The following ZNF430 variants were observed in gnomAD, a reference collection of about 807,000 sequenced individuals.
The protein encoded by ZNF430 is zinc finger protein 430.
Under a neutral mutation model 56.7 loss-of-function variants are expected in ZNF430, and 35 were observed. That is an observed-to-expected ratio of 0.62 (90% CI 0.47 to 0.82). The LOEUF (loss-of-function observed/expected upper bound fraction) is 0.82, where lower values mean the gene tolerates loss of function less well. Ranked by LOEUF, ZNF430 falls within the 40% of genes least tolerant of loss-of-function variation. ZNF430 has a pLI of 0.00. For synonymous variants in ZNF430, 212 were observed against 224.3 expected (o/e 0.94, Z 0.49); for missense variants, 574 against 661.0 (o/e 0.87, Z 1.44).
chr19:21,040,963 C>G (rs1485442680), intron 4 of ZNF430, among the ~76,000 whole-genome samples: 1 of 152,104 alleles, frequency 6.6e-6, no homozygotes, highest in African/African-American at 2.4e-5. Flanking sequence ...AATATAATTA[C>G]TGCCACCTCA....
At position 21,049,131 on chromosome 19, in the gene ZNF430, G is replaced by A. The variant is rs575545452; in HGVS notation, c.323-7500G>A. Among the ~76,000 whole-genome samples, 6 of 116,474 alleles carry A rather than the reference G, an allele frequency of 5.2e-5. No individual in the cohort carries two copies. The South Asian group carries it at 8.8e-4, about 17-fold the overall frequency. 76.4% of individuals were successfully genotyped at this position (116,474 alleles called of 152,430 possible). A position where few individuals can be genotyped will look rare whatever the true frequency, so the allele number is the denominator to read the frequency against. On this transcript the variant is annotated intron_variant, in intron 4 of 4. Transcript: ENST00000261560. ...AGAGGTTGCAGTGAGCCGAGATTGC[G>A]CCACTGCACTCCAGCCTGGGTGACA...
At chr19:21,056,507 G>T (rs1342758514) in intron 4 of ZNF430, 124 bp from the exon 5 acceptor site, 5 of 680,930 alleles carry the variant, frequency 7.3e-6, no homozygotes, top group Non-Finnish European at 1.1e-5. Flanking sequence ...AAAAAATTAG[G>T]GCCTTTATTA....
intron 4 of ZNF430, among the ~76,000 whole-genome samples, chr19:21,039,938 C>T (rs770622495): frequency 2.6e-5 from 4 of 152,120 alleles, no homozygotes; most frequent in Non-Finnish European, 5.9e-5. Flanking sequence ...GTCTCCTTGA[C>T]TCAGGTGATC....
At chr19:21,042,125 G>A (rs911206758) in intron 4 of ZNF430, among the ~76,000 whole-genome samples, 3 of 152,160 alleles carry the variant, frequency 2.0e-5, no homozygotes, top group African/African-American at 7.2e-5. Flanking sequence ...CCATGCCTTT[G>A]CAAACTACAT....
chr19:21,049,489 A>G (rs545974383), intron 4 of ZNF430: 10 of 152,068 alleles, frequency 6.6e-5, no homozygotes, highest in African/African-American at 1.7e-4. Context: ...TAGCATTTCT[A>G]TTTGTTTATA....
chr19:21,022,366 A>G (rs2144745344), intron 1 of ZNF430, among the ~76,000 whole-genome samples: 1 of 152,314 alleles, frequency 6.6e-6, no homozygotes, highest in South Asian at 2.1e-4. Flanking sequence ...CCCAAATGCC[A>G]ACTTTTCCTA....
In ZNF430 at chr19:21,020,695, G is replaced by A; in HGVS notation, c.-106G>A. ...GCCTGAGCTCCAGGTCTCGTCTTCA[G>A]CGCTCTGTGTCCTCTGCTCCTAGAG... On this transcript the variant is annotated 5_prime_UTR_variant, in exon 1 of 5. Coordinates refer to ENST00000261560, the MANE Select transcript of ZNF430 (RefSeq NM_025189.4). 6.5e-7 allele frequency: 1 copy of A among 1,528,080 alleles called. No individual in the cohort carries two copies. 94.7% of individuals were successfully genotyped at this position (1,528,080 alleles called of 1,614,324 possible).
intron 2 of ZNF430, among the ~76,000 whole-genome samples, chr19:21,028,580 T>C (rs1967845432): frequency 6.6e-6 from 1 of 152,196 alleles, no homozygotes. Context: ...TTGAGACATT[T>C]GAGGATGTCC....
chr19:21,053,016 C>T (rs539114008), intron 4 of ZNF430, among the ~76,000 whole-genome samples: 6 of 152,258 alleles, frequency 3.9e-5, no homozygotes, highest in African/African-American at 1.4e-4. Context: ...TTGGCAAGGG[C>T]TTTAGGTGTT....
At chr19:21,035,029 A>G in intron 4 of ZNF430, 1 of 151,982 alleles carries the variant, frequency 6.6e-6, no homozygotes, top group Non-Finnish European at 1.5e-5. Context: ...TTTCCTCACG[A>G]TTGCTTTGGC....
Position 21,034,106 on chromosome 19 carries a change from C to T in ZNF430, c.244C>T (p.Pro82Ser), listed in dbSNP as rs1413002793. 5.0e-6 allele frequency: 8 copies of T among 1,612,808 alleles called. No individual in the cohort carries two copies. Among genetic ancestry groups the T allele is most frequent in the East Asian group, 2.2e-5 (1 of 44,878 alleles). Residue 82 changes from proline to serine, a missense_variant, in exon 4 of 5, where the codon CCA becomes TCA. Pro to Ser is a moderately conservative substitution (Grantham distance 74). This residue lies in a region of ZNF430 where 346 missense variants were observed against 399.1 expected (regional missense o/e 0.87). Transcript: ENST00000261560. ...TAAAGCAGGTATTGCTGTTTCTAAG[C>T]CAGACCTGATCACCTGTCTAGAGCA... ...VFLAGIAVSK[P>S]DLITCLEQGK...
rs1968383553 is a variant in ZNF430, at chr19:21,056,649, C to G, written c.341C>G (p.Ala114Gly). The G allele has an allele frequency of 6.6e-7, 1 of 1,524,380 alleles. No homozygotes were observed. The highest frequency in any genetic ancestry group is 2.2e-5 in the Admixed American group (1 of 45,934). The allele number at this position is 1,524,380 out of a possible 1,614,324, so 94.4% of individuals were successfully genotyped here. The stretch of plus-strand genomic sequence containing the variant: ...CTTTCAGTTACATATTCTCATTTTG[C>G]CCAAGACCTTTGGCCAGAGCAGGGC... The part of the protein sequence containing the change: ...DQPPVTYSHF[A>G]QDLWPEQGIK... Residue 114 changes from alanine to glycine, a missense_variant, in exon 5 of 5, where the codon GCC (alanine) becomes GGC (glycine). Physicochemically the swap from Ala to Gly is moderately conservative, Grantham distance 60. Coordinates refer to ENST00000261560, the MANE Select transcript of ZNF430 (RefSeq NM_025189.4).
Position 21,034,165 on chromosome 19 carries a change from G to T in ZNF430, c.303G>T (p.Ala101=). ...GKEPWNMKRH[A]MVDQPPVTYS... ...AGCCCTGGAATATGAAGAGACATGC[G>T]ATGGTAGATCAACCCCCAGGTAGGT... The change falls in exon 4 of 5, where the codon GCG becomes GCT. Residue 101 remains alanine, a synonymous_variant. Coordinates refer to ENST00000261560, the MANE Select transcript of ZNF430 (RefSeq NM_025189.4). 1 of 1,612,006 alleles carries T rather than the reference G, an allele frequency of 6.2e-7. No homozygotes were observed. Among genetic ancestry groups the T allele is most frequent in the Non-Finnish European group, 8.5e-7 (1 of 1,178,918 alleles).
intron 4 of ZNF430, among the ~76,000 whole-genome samples, chr19:21,052,006 A>G (rs553470062): frequency 6.6e-6 from 1 of 152,022 alleles, no homozygotes; most frequent in Non-Finnish European, 1.5e-5. Flanking sequence ...AAAAAATTGC[A>G]TTAAATCTCT....
intron 4 of ZNF430, among the ~76,000 whole-genome samples, chr19:21,046,962 A>AG (rs1968194784): frequency 6.6e-6 from 1 of 152,178 alleles, no homozygotes; most frequent in African/African-American, 2.4e-5. Context: ...TATCTATTTA[A>AG]GGTACCCCAG....
chr19:21,042,998 C>A (rs550745679), intron 4 of ZNF430, among the ~76,000 whole-genome samples: 27 of 152,108 alleles, frequency 1.8e-4, no homozygotes, highest in Middle Eastern at 6.8e-3. Flanking sequence ...TGCTTAAGTT[C>A]CTTTTAGACT....
intron 2 of ZNF430, among the ~76,000 whole-genome samples, chr19:21,030,763 T>C (rs1011450766): frequency 1.3e-5 from 2 of 150,488 alleles, no homozygotes; most frequent in South Asian, 4.2e-4. Context: ...CTTTTCAAAC[T>C]TGCAGATCCA....
At chr19:21,028,102 G>C (rs1766849058) in intron 2 of ZNF430, among the ~76,000 whole-genome samples, 1 of 152,046 alleles carries the variant, frequency 6.6e-6, no homozygotes, top group African/African-American at 2.4e-5. Context: ...CCTCTTCCTG[G>C]GATTTACAGG....
chr19:21,055,126 T>G (rs943266897), intron 4 of ZNF430, among the ~76,000 whole-genome samples: 1 of 131,444 alleles, frequency 7.6e-6, no homozygotes, highest in Admixed American at 7.3e-5. Flanking sequence ...TCACTGAGTA[T>G]TATTCAATTT....
Sources: allele counts gnomAD v4.1 joint callset (sites outside exome capture counted in the v4.1 genomes callset), GRCh38; gene constraint gnomAD v4.1.1; regional missense constraint gnomAD v4.1.1; transcripts MANE v1.5; gene names NCBI Gene and HGNC (gene_info 2026-07-23, HGNC 2026-07-21).